The following TBC1D12 variants were observed in gnomAD, a reference collection of about 807,000 sequenced individuals.
TBC1D12 encodes TBC1 domain family, member 12.
A neutral mutation model predicts 86.7 loss-of-function variants in TBC1D12; 56 were observed. That is an observed-to-expected ratio of 0.65 (90% CI 0.52 to 0.81). The LOEUF is 0.81. Among genes scored for constraint, TBC1D12 ranks in the 30% least tolerant of loss-of-function variants. The pLI is 0.00. For synonymous variants in TBC1D12, 421 were observed against 411.7 expected (o/e 1.02, Z -0.27); for missense variants, 1,023 against 1,038.8 (o/e 0.98, Z 0.21).
chr10:94,505,754 T>C (rs1449221232), intron 6 of TBC1D12, among the ~76,000 whole-genome samples: 3 of 152,162 alleles, frequency 2.0e-5, no homozygotes, highest in Non-Finnish European at 4.4e-5. Flanking sequence ...ATAAGAATAC[T>C]CGTTATGGTA....
At chr10:94,526,380 T>TA (rs1646978882) in intron 11 of TBC1D12, among the ~76,000 whole-genome samples, 1 of 150,808 alleles carries the variant, frequency 6.6e-6, no homozygotes, top group South Asian at 2.1e-4. Flanking sequence ...AGTGAGCTGA[T>TA]ATTGTACCAC....
At chr10:94,492,032 T>G (rs2056251999) in intron 3 of TBC1D12, among the ~76,000 whole-genome samples, 1 of 152,204 alleles carries the variant, frequency 6.6e-6, no homozygotes, top group Non-Finnish European at 1.5e-5. Context: ...GCACCTTAAA[T>G]TGCAAAAGTT....
intron 1 of TBC1D12, among the ~76,000 whole-genome samples, chr10:94,409,751 A>G (rs575606879): frequency 6.6e-6 from 1 of 152,308 alleles, no homozygotes; most frequent in Admixed American, 6.5e-5. Flanking sequence ...TACTTGTTTG[A>G]TAGAAATCTC....
chr10:94,441,404 G>A (rs369512560), intron 1 of TBC1D12, among the ~76,000 whole-genome samples: 4 of 151,694 alleles, frequency 2.6e-5, no homozygotes, highest in Admixed American at 2.6e-4. Flanking sequence ...AAATGTTTTT[G>A]TTTTCAGAAT....
intron 1 of TBC1D12, among the ~76,000 whole-genome samples, chr10:94,436,582 T>C (rs1397919613): frequency 6.6e-6 from 1 of 152,152 alleles, no homozygotes; most frequent in East Asian, 1.9e-4. Flanking sequence ...TCTATAAATG[T>C]GAACTATCTT....
At chr10:94,419,136 G>A (rs536443120) in intron 1 of TBC1D12, among the ~76,000 whole-genome samples, 1 of 152,250 alleles carries the variant, frequency 6.6e-6, no homozygotes, top group African/African-American at 2.4e-5. Flanking sequence ...GCCTCCCGAA[G>A]TGCTGGGATT....
At position 94,457,652 on chromosome 10, in the gene TBC1D12, T is replaced by C. The variant is rs563074766; in HGVS notation, c.1095+15633T>C. Among the ~76,000 whole-genome samples, 13 of 152,368 alleles carry C rather than the reference T, an allele frequency of 8.5e-5. No individual in the cohort carries two copies. The East Asian group carries it at 2.3e-3, about 27-fold the overall frequency. Reference sequence around the variant, plus strand: ...TTATTGATACAGTTGGATTATTATCTCTCATTTCTGTTACTGTTTGTTAGT... The same window carrying C: ...TTATTGATACAGTTGGATTATTATCCCTCATTTCTGTTACTGTTTGTTAGT... On this transcript the variant is annotated intron_variant, in intron 2 of 12. Coordinates refer to ENST00000225235, the MANE Select transcript of TBC1D12 (RefSeq NM_015188.2).
At chr10:94,497,403 TATTA>T (rs1234797676) in intron 5 of TBC1D12, among the ~76,000 whole-genome samples, 1 of 152,136 alleles carries the variant, frequency 6.6e-6, no homozygotes, top group African/African-American at 2.4e-5. Context: ...TAAATTATAC[TATTA>T]ATTAATGCCT....
chr10:94,498,678 A>C (rs1376535878), intron 5 of TBC1D12, among the ~76,000 whole-genome samples: 1 of 150,634 alleles, frequency 6.6e-6, no homozygotes, highest in Non-Finnish European at 1.5e-5. Context: ...CTAGTCTCAA[A>C]CTCCTGGCCT....
intron 12 of TBC1D12, among the ~76,000 whole-genome samples, chr10:94,532,126 C>T (rs1244349538): frequency 2.6e-5 from 4 of 151,650 alleles, no homozygotes; most frequent in East Asian, 2.0e-4. Context: ...GTGATCCACT[C>T]GTCTTGGCCT....
chr10:94,498,790 A>G (rs12269412), intron 5 of TBC1D12, among the ~76,000 whole-genome samples: 26,231 of 151,068 alleles, frequency 0.17, 2,511 homozygotes, highest in Middle Eastern at 0.24. Flanking sequence ...TTTTTTCAAG[A>G]CGAGGTCTCA....
chr10:94,531,521 A>C, intron 12 of TBC1D12, 61 bp downstream of exon 12: 5 of 1,476,112 alleles, frequency 3.4e-6, no homozygotes, highest in South Asian at 1.5e-5. Context: ...ATTGTAAAAA[A>C]GTTAGGTATT....
At chr10:94,463,207 A>C (rs2055755633) in intron 2 of TBC1D12, among the ~76,000 whole-genome samples, 1 of 152,214 alleles carries the variant, frequency 6.6e-6, no homozygotes, top group Non-Finnish European at 1.5e-5. Flanking sequence ...ATAAATGATT[A>C]ATATGGATGG....
chr10:94,494,865 GTATT>G (rs370407444), intron 4 of TBC1D12, among the ~76,000 whole-genome samples: 17 of 151,718 alleles, frequency 1.1e-4, no homozygotes, highest in Middle Eastern at 3.4e-3. Context: ...TTTTTATTAT[GTATT>G]TATTTATTTT....
At chr10:94,465,313 C>T (rs2055789924) in intron 2 of TBC1D12, among the ~76,000 whole-genome samples, 1 of 152,156 alleles carries the variant, frequency 6.6e-6, no homozygotes, top group South Asian at 2.1e-4. Flanking sequence ...ATTATCACCA[C>T]TGATCTCACA....
chr10:94,482,070 A>C (rs536123047), intron 3 of TBC1D12, among the ~76,000 whole-genome samples: 1 of 152,132 alleles, frequency 6.6e-6, no homozygotes, highest in Non-Finnish European at 1.5e-5. Context: ...AACTCATGTC[A>C]TGGGGGTTTG....
chr10:94,531,679 T>TTTATG (rs1193904986), intron 12 of TBC1D12, among the ~76,000 whole-genome samples: 4,239 of 132,934 alleles, frequency 0.032, 374 homozygotes, highest in African/African-American at 0.11. Flanking sequence ...TTTATTTTAT[T>TTTATG]TTATTTTATG....
chr10:94,442,084 T>TC (rs201660536), intron 2 of TBC1D12, 65 bp downstream of exon 2: 402 of 186,632 alleles, frequency 2.2e-3, no homozygotes, highest in East Asian at 0.012. Flanking sequence ...TTCTTCTTCT[T>TC]TTTTTTTTTT....
At position 94,472,818 on chromosome 10, in the gene TBC1D12, A is replaced by G. The variant is rs201469878; in HGVS notation, c.1096-1850A>G. On this transcript the variant is annotated intron_variant, in intron 2 of 12. Coordinates refer to ENST00000225235, the MANE Select transcript of TBC1D12 (RefSeq NM_015188.2). ...GGTTCTTTGAGATGACAGTTAATAA[A>G]CATAAGTGCACACAATCCTAAATAA... Among the ~76,000 whole-genome samples, 4 of 152,196 alleles carry G rather than the reference A, an allele frequency of 2.6e-5. No individual in the cohort carries two copies. The East Asian group carries it at 7.7e-4, about 29-fold the overall frequency.
Sources: gnomAD v4.1 joint callset for allele counts (sites outside exome capture counted in the v4.1 genomes callset) on GRCh38, gnomAD v4.1.1 for gene constraint, MANE v1.5 for transcripts, NCBI Gene and HGNC (gene_info 2026-07-23, HGNC 2026-07-21) for gene names.